PRIM2: variants seen among roughly 807,000 people sequenced by gnomAD.
The protein encoded by PRIM2 is DNA primase subunit 2, also known as DNA primase large subunit.
In PRIM2, 39 loss-of-function variants were observed where a neutral mutation model predicts 67.3. The observed-to-expected ratio is 0.58, with a 90% CI of 0.45 to 0.76. The LOEUF (loss-of-function observed/expected upper bound fraction) is 0.76. Ranked by LOEUF, PRIM2 falls within the 30% of genes least tolerant of loss-of-function variation. The pLI is 0.00. For missense variants in PRIM2, 398 were observed against 598.7 expected (o/e 0.66, Z 3.50); for synonymous variants, 143 against 198.7 (o/e 0.72, Z 2.36).
chr6:57,564,653 C>T (rs1157972844), intron 10 of PRIM2, among the ~76,000 whole-genome samples: 1 of 152,048 alleles, frequency 6.6e-6, no homozygotes, highest in Non-Finnish European at 1.5e-5. Context: ...ATGAGGCTAC[C>T]AGCCCCTATT....
intron 10 of PRIM2, among the ~76,000 whole-genome samples, chr6:57,543,009 G>C (rs1344920565): frequency 1.5e-4 from 20 of 136,236 alleles, no homozygotes; most frequent in East Asian, 2.1e-4. Context: ...CGCAATCTCG[G>C]CTCACTGCAG....
chr6:57,500,567 A>G (rs1224670653), intron 7 of PRIM2, among the ~76,000 whole-genome samples: 3 of 152,362 alleles, frequency 2.0e-5, no homozygotes, highest in Admixed American at 2.0e-4. Context: ...GATTGCTTAT[A>G]TAGACAAAAC....
chr6:57,380,304 C>T (rs893180212), intron 6 of PRIM2, among the ~76,000 whole-genome samples: 4 of 152,142 alleles, frequency 2.6e-5, no homozygotes, highest in Non-Finnish European at 5.9e-5. Context: ...GCCAGGAAAC[C>T]CTCATCACCC....
chr6:57,636,429 C>T (rs1777123323), intron 13 of PRIM2, among the ~76,000 whole-genome samples: 1 of 152,046 alleles, frequency 6.6e-6, no homozygotes, highest in Non-Finnish European at 1.5e-5. Context: ...AAAAAAACCC[C>T]TAAGTTTATT....
the PRIM2 span, among the ~76,000 whole-genome samples, chr6:57,256,201 G>A: frequency 6.6e-6 from 1 of 152,038 alleles, no homozygotes; most frequent in African/African-American, 2.4e-5. Context: ...ATATTACTTG[G>A]GGGAAAAAGA....
At chr6:57,366,094 A>T (rs1769349670) in intron 5 of PRIM2, among the ~76,000 whole-genome samples, 1 of 152,178 alleles carries the variant, frequency 6.6e-6, no homozygotes, top group Non-Finnish European at 1.5e-5. Context: ...TGTATCTTCA[A>T]GCAGACAGGT....
intron 7 of PRIM2, among the ~76,000 whole-genome samples, chr6:57,457,832 C>A (rs369622613): frequency 4.7e-4 from 71 of 152,274 alleles, no homozygotes; most frequent in Non-Finnish European, 1.3e-4. Flanking sequence ...GAGATGAACC[C>A]GGTACCTCGG....
chr6:57,268,760 T>C, the PRIM2 span, among the ~76,000 whole-genome samples: 2 of 149,212 alleles, frequency 1.3e-5, no homozygotes, highest in Middle Eastern at 3.4e-3. Flanking sequence ...ATTAGGTATA[T>C]CTCCTAATGC....
At chr6:57,246,857 CTT>C in the PRIM2 span, among the ~76,000 whole-genome samples, 115 of 140,300 alleles carry the variant, frequency 8.2e-4, no homozygotes, top group Admixed American at 1.0e-3. Context: ...GACTTAATTT[CTT>C]TTTTTTTTTT....
At chr6:57,344,089 A>G (rs1768591431) in intron 5 of PRIM2, among the ~76,000 whole-genome samples, 1 of 151,974 alleles carries the variant, frequency 6.6e-6, no homozygotes, top group Admixed American at 6.6e-5. Flanking sequence ...GGAGCTTGAC[A>G]AGAGTTAGGT....
intron 7 of PRIM2, among the ~76,000 whole-genome samples, chr6:57,396,356 G>A (rs1398588592): frequency 1.3e-5 from 2 of 152,118 alleles, no homozygotes; most frequent in Non-Finnish European, 2.9e-5. Flanking sequence ...TATATGTTTA[G>A]GATTGTGATA....
intron 7 of PRIM2, among the ~76,000 whole-genome samples, chr6:57,412,486 G>T (rs4612155): frequency 1.3e-5 from 2 of 151,958 alleles, no homozygotes; most frequent in Admixed American, 1.3e-4. Flanking sequence ...TCAGAGGGTC[G>T]AAATGTCTTG....
At chr6:57,429,063 C>T (rs1771732531) in intron 7 of PRIM2, among the ~76,000 whole-genome samples, 1 of 152,132 alleles carries the variant, frequency 6.6e-6, no homozygotes, top group African/African-American at 2.4e-5. Flanking sequence ...TTCTTCATCA[C>T]TATAATTTTG....
intron 7 of PRIM2, among the ~76,000 whole-genome samples, chr6:57,481,577 G>A (rs1207354050): frequency 6.6e-6 from 1 of 150,992 alleles, no homozygotes; most frequent in African/African-American, 2.4e-5. Flanking sequence ...GCGAACATAG[G>A]TTTTTGGGTT....
intron 7 of PRIM2, among the ~76,000 whole-genome samples, chr6:57,496,940 C>T (rs1416936847): frequency 6.6e-6 from 1 of 152,096 alleles, no homozygotes; most frequent in African/African-American, 2.4e-5. Context: ...AGTTGTACCA[C>T]CAAAGACTTA....
chr6:57,361,217 G>GTGC (rs1769189744), intron 5 of PRIM2, among the ~76,000 whole-genome samples: 1 of 152,152 alleles, frequency 6.6e-6, no homozygotes, highest in African/African-American at 2.4e-5. Context: ...AGTGTAGGTA[G>GTGC]TGCTGCTTCC....
chr6:57,536,648 T>A (rs1473824719), intron 9 of PRIM2, among the ~76,000 whole-genome samples: 6 of 152,370 alleles, frequency 3.9e-5, no homozygotes, highest in Non-Finnish European at 7.3e-5. Context: ...CATGGAAAAC[T>A]ATTAGTAATA....
At chr6:57,294,434 T>C in the PRIM2 span, among the ~76,000 whole-genome samples, 2 of 152,190 alleles carry the variant, frequency 1.3e-5, no homozygotes, top group Non-Finnish European at 2.9e-5. Flanking sequence ...TGAGCCGAGA[T>C]CGTGCTACTG....
chr6:57,297,623 C>A, the PRIM2 span, among the ~76,000 whole-genome samples: 3 of 152,078 alleles, frequency 2.0e-5, no homozygotes, highest in Admixed American at 6.6e-5. Context: ...AAAATAGAAA[C>A]TTTTCAGTGG....
Sources: allele counts gnomAD v4.1 joint callset (sites outside exome capture counted in the v4.1 genomes callset), GRCh38; gene constraint gnomAD v4.1.1; transcripts MANE v1.5; gene names NCBI Gene and HGNC (gene_info 2026-07-23, HGNC 2026-07-21).